Variants in EVL observed in about 807,000 individuals in gnomAD.
The protein encoded by EVL is ena/VASP-like protein.
EVL carries 21 observed loss-of-function variants against 59.6 expected under a neutral mutation model. That is an observed-to-expected ratio of 0.35 (90% CI 0.25 to 0.51). The LOEUF (loss-of-function observed/expected upper bound fraction) is 0.51, where lower values mean the gene tolerates loss of function less well. Among genes scored for constraint, EVL ranks in the 20% least tolerant of loss-of-function variants. The probability of loss-of-function intolerance (pLI) is 0.97; values close to 1 mark genes in which losing one functional copy is unlikely to be tolerated. For missense variants in EVL, 462 were observed against 546.6 expected, an observed-to-expected ratio of 0.85 and a Z score of 1.54; for synonymous variants, 198 against 203.5, an observed-to-expected ratio of 0.97 and a Z score of 0.23.
intron 1 of EVL, among the ~76,000 whole-genome samples, chr14:100,028,141 T>G (rs568326996): frequency 0.022 from 2,649 of 122,038 alleles, 85 homozygotes; most frequent in African/African-American, 0.079. Flanking sequence ...TTTGTTTTTT[T>G]TTTTTTTTTT....
intron 1 of EVL, chr14:100,019,450 T>C (rs999261254): frequency 1.8e-5 from 10 of 542,064 alleles, no homozygotes; most frequent in Non-Finnish European, 2.9e-5. Context: ...CATGGTTTTC[T>C]AGCTGCCTCC....
chr14:100,034,257 G>T (rs1012277010), intron 1 of EVL, among the ~76,000 whole-genome samples: 1 of 148,296 alleles, frequency 6.7e-6, no homozygotes, highest in Non-Finnish European at 1.5e-5. Flanking sequence ...AAAAGAAAAA[G>T]AAAAGAAAAA....
chr14:100,000,821 A>G (rs1273996502), intron 1 of EVL, among the ~76,000 whole-genome samples: 1 of 151,310 alleles, frequency 6.6e-6, no homozygotes, highest in Non-Finnish European at 1.5e-5. Context: ...TTTCACATTT[A>G]CCCCCTTTTC....
At chr14:100,065,747 T>G (rs2140270360) in intron 1 of EVL, among the ~76,000 whole-genome samples, 1 of 152,286 alleles carries the variant, frequency 6.6e-6, no homozygotes, top group East Asian at 1.9e-4. Context: ...GCCTGTGACC[T>G]TTAATGGCTT....
chr14:100,086,055 G>T (rs917564517), intron 2 of EVL, among the ~76,000 whole-genome samples: 1 of 152,202 alleles, frequency 6.6e-6, no homozygotes, highest in African/African-American at 2.4e-5. Context: ...CGTGAACCCA[G>T]GAGGCAGAGC....
chr14:100,139,367 C>T (rs1415130984), intron 11 of EVL: 1 of 152,278 alleles, frequency 6.6e-6, no homozygotes, highest in African/African-American at 2.4e-5. Flanking sequence ...CACCACCCCT[C>T]TGGTGCGTCA....
At chr14:100,042,399 ACTTACGTGATATTCTTTGC>A (rs369241833) in intron 1 of EVL, among the ~76,000 whole-genome samples, 1 of 152,288 alleles carries the variant, frequency 6.6e-6, no homozygotes, top group East Asian at 1.9e-4. Context: ...GAATTTCCAG[ACTTACGTGATATTCTTTGC>A]TCTGTATTAG....
chr14:100,107,073 T>G, intron 3 of EVL: 1 of 398,716 alleles, frequency 2.5e-6, no homozygotes, highest in Non-Finnish European at 4.4e-6. Context: ...CACAGGCCCG[T>G]GGCAGTTCAC....
At chr14:100,131,982 C>T (rs1595242264) in intron 7 of EVL, among the ~76,000 whole-genome samples, 1 of 152,262 alleles carries the variant, frequency 6.6e-6, no homozygotes, top group South Asian at 2.1e-4. Context: ...ACACCTCAGA[C>T]CAGCTCCATG....
intron 1 of EVL, among the ~76,000 whole-genome samples, chr14:100,041,605 C>G (rs1252849861): frequency 6.6e-6 from 1 of 152,190 alleles, no homozygotes; most frequent in African/African-American, 2.4e-5. Context: ...AGTAGGTGCT[C>G]AGTAAATGTC....
intron 9 of EVL, chr14:100,137,314 C>T: frequency 1.9e-6 from 1 of 534,362 alleles, no homozygotes; most frequent in Non-Finnish European, 3.4e-6. Context: ...TCACTGGGTC[C>T]CTTACCAGCA....
chr14:100,102,907 C>T (rs955817290), intron 3 of EVL, among the ~76,000 whole-genome samples: 6 of 152,046 alleles, frequency 3.9e-5, no homozygotes, highest in Non-Finnish European at 5.9e-5. Flanking sequence ...ACCATCCTGG[C>T]CAACATGGTG....
intron 3 of EVL, chr14:100,102,296 C>CT (rs1003809847): frequency 3.1e-5 from 14 of 455,958 alleles, no homozygotes; most frequent in Non-Finnish European, 5.7e-5. Flanking sequence ...TAATTTCCCT[C>CT]TCCCCAGGTG....
At chr14:99,982,700 T>C (rs1186618125) in intron 1 of EVL, among the ~76,000 whole-genome samples, 3 of 152,230 alleles carry the variant, frequency 2.0e-5, no homozygotes, top group Non-Finnish European at 4.4e-5. Context: ...GTCTTTGTCT[T>C]TAGGGCTGTG....
chr14:100,016,092 A>T (rs201529629), intron 1 of EVL, among the ~76,000 whole-genome samples: 4,600 of 132,288 alleles, frequency 0.035, 217 homozygotes, highest in East Asian at 0.16. Context: ...AAAAAAAAAA[A>T]AAAATTAATT....
chr14:100,029,849 T>C (rs2061282362), intron 1 of EVL, among the ~76,000 whole-genome samples: 1 of 152,120 alleles, frequency 6.6e-6, no homozygotes, highest in South Asian at 2.1e-4. Context: ...ATTTTGTCCT[T>C]TCCCTGTGAC....
At chr14:99,984,620 T>G (rs1566962330) in intron 1 of EVL, among the ~76,000 whole-genome samples, 1 of 152,148 alleles carries the variant, frequency 6.6e-6, no homozygotes, top group Non-Finnish European at 1.5e-5. Flanking sequence ...GATATGTTAT[T>G]ATTATCATTT....
At position 100,109,674 on chromosome 14, in the gene EVL, G is replaced by A. The variant is rs1171193472; in HGVS notation, c.358+12016G>A. On this transcript the variant is annotated intron_variant, in intron 3 of 13. Coordinates refer to ENST00000392920, the MANE Select transcript of EVL (RefSeq NM_016337.3). This position sits in a 1 kb window ranked among gnomAD's most constrained non-coding sequence, Gnocchi z 4.3. ...ACCTGTGAAACTGGGCTCAAGGTGA[G>A]GGGTGCTATCTGTGATTGAGGGACA... The A allele has an allele frequency of 1.9e-6, 1 of 532,180 alleles. No homozygotes were observed. The highest frequency in any genetic ancestry group is 3.9e-6 in the Non-Finnish European group (1 of 259,040). 33.0% of individuals were successfully genotyped at this position (532,180 alleles called of 1,614,324 possible).
intron 2 of EVL, among the ~76,000 whole-genome samples, chr14:100,086,999 G>A (rs1343142081): frequency 6.6e-6 from 1 of 152,218 alleles, no homozygotes; most frequent in African/African-American, 2.4e-5. Context: ...TTTAGTCCGT[G>A]TGGGCTACCA....
Sources: allele counts gnomAD v4.1 joint callset (sites outside exome capture counted in the v4.1 genomes callset), GRCh38; gene constraint gnomAD v4.1.1; non-coding constraint Gnocchi (gnomAD v3.1); transcripts MANE v1.5; gene names NCBI Gene and HGNC (gene_info 2026-07-23, HGNC 2026-07-21).